The following PRAG1 variants were observed in gnomAD, a reference collection of about 807,000 sequenced individuals.
PRAG1 encodes inactive tyrosine-protein kinase PRAG1.
PRAG1 carries 110 observed loss-of-function variants against 95.6 expected under a neutral mutation model. The ratio of observed to expected loss-of-function variants is 1.15; its 90% confidence interval spans 0.99 to 1.35. The LOEUF is 1.35. PRAG1 is among the 40% of genes most tolerant of loss of function. The pLI is 0.00. For synonymous variants in PRAG1, 1,052 were observed against 819.4 expected (o/e 1.28, Z -4.85); for missense variants, 2,554 against 1,864.7 (o/e 1.37, Z -6.81).
intron 3 of PRAG1, among the ~76,000 whole-genome samples, chr8:8,341,949 AG>A (rs2116842387): frequency 6.6e-6 from 1 of 152,146 alleles, no homozygotes; most frequent in African/African-American, 2.4e-5. Flanking sequence ...CCTGGCCAAC[AG>A]GCCAACCCCA....
In PRAG1 at chr8:8,319,032, G is replaced by T; in HGVS notation, c.3343C>A (p.Pro1115Thr). ...RDSAASHQAE[P>T]EAYERRVCFL... ...CACACGCGCCGCTCGTACGCCTCGG[G>T]CTCCGCCTGGTGGCTGGCCGCCGAG... Residue 1115 changes from proline (P) to threonine (T), a missense_variant, in exon 6 of 6, where the codon CCC becomes ACC. Transcript: ENST00000615670. 1.2e-6 allele frequency: 2 copies of T among 1,613,268 alleles called. No homozygotes were observed. Among genetic ancestry groups the T allele is most frequent in the Non-Finnish European group, 1.7e-6 (2 of 1,179,830 alleles).
intron 3 of PRAG1, among the ~76,000 whole-genome samples, chr8:8,375,078 TA>T (rs35967149): frequency 0.37 from 52,879 of 142,644 alleles, 9,687 homozygotes; most frequent in East Asian, 0.65. Context: ...GCTCAATAAC[TA>T]AAAAAAAAAA....
At chr8:8,351,095 A>G (rs1285368879) in intron 3 of PRAG1, among the ~76,000 whole-genome samples, 1 of 152,170 alleles carries the variant, frequency 6.6e-6, no homozygotes, top group Non-Finnish European at 1.5e-5. Flanking sequence ...AAAGAGGTTT[A>G]ATTGCCTCAT....
chr8:8,383,371 G>C (rs797021022), intron 1 of PRAG1, among the ~76,000 whole-genome samples: 3 of 152,278 alleles, frequency 2.0e-5, no homozygotes, highest in South Asian at 2.1e-4. Flanking sequence ...AGGAGTTTGA[G>C]ACCAGCCTGG....
intron 3 of PRAG1, among the ~76,000 whole-genome samples, chr8:8,352,017 T>A (rs551772123): frequency 6.6e-6 from 1 of 152,206 alleles, no homozygotes; most frequent in East Asian, 1.9e-4. Context: ...TCTAGACTAA[T>A]GGTTTTGGTG....
At chr8:8,382,351 T>C (rs1037307578) in intron 1 of PRAG1, among the ~76,000 whole-genome samples, 3 of 152,166 alleles carry the variant, frequency 2.0e-5, no homozygotes, top group Non-Finnish European at 4.4e-5. Context: ...GAAAGGTGCA[T>C]TGTAATCCAC....
chr8:8,319,171 C>G lies in PRAG1; in HGVS notation c.3204G>C (p.Ala1068=), dbSNP rs750721737. Residue 1068 remains alanine (A), a synonymous_variant, in exon 6 of 6, where the codon GCG becomes GCC. Transcript: ENST00000615670. ...VPSSMLSSPD[A]PKDPVPALPT... The stretch of plus-strand genomic sequence containing the variant: ...GCAGGGCAGGCACAGGGTCCTTGGG[C>G]GCGTCGGGGGAGCTGAGCATGCTGG... The G allele has an allele frequency of 6.2e-7, 1 of 1,602,872 alleles. No homozygotes were observed. The highest frequency in any genetic ancestry group is 1.3e-5 in the African/African-American group (1 of 74,780).
At chr8:8,371,279 G>A (rs1227261761) in intron 3 of PRAG1, among the ~76,000 whole-genome samples, 1 of 149,550 alleles carries the variant, frequency 6.7e-6, no homozygotes, top group Non-Finnish European at 1.5e-5. Flanking sequence ...TTTTTTTTTT[G>A]AGGTGGAGTC....
intron 4 of PRAG1, among the ~76,000 whole-genome samples, chr8:8,338,471 T>C (rs566405625): frequency 5.5e-4 from 84 of 152,348 alleles, no homozygotes; most frequent in African/African-American, 1.7e-3. Flanking sequence ...CCTTGTTGAA[T>C]TTGTTATACA....
intron 4 of PRAG1, 22 bp from the exon 5 acceptor site, chr8:8,328,483 C>G (rs753548402): frequency 1.9e-6 from 3 of 1,611,584 alleles, no homozygotes; most frequent in Non-Finnish European, 2.5e-6. Context: ...AGACAGAAAC[C>G]ATAAGACCAA....
chr8:8,347,571 G>C (rs1799386439), intron 3 of PRAG1, among the ~76,000 whole-genome samples: 1 of 151,438 alleles, frequency 6.6e-6, no homozygotes, highest in Non-Finnish European at 1.5e-5. Context: ...GAGTTTTCTT[G>C]GTGGATAAGA....
intron 3 of PRAG1, among the ~76,000 whole-genome samples, chr8:8,367,255 T>C (rs891085925): frequency 1.3e-5 from 2 of 151,428 alleles, no homozygotes; most frequent in Admixed American, 6.6e-5. Flanking sequence ...GGTCAGGAGT[T>C]CAAGACCAGT....
chr8:8,343,925 T>C (rs975457272), intron 3 of PRAG1, among the ~76,000 whole-genome samples: 2 of 151,984 alleles, frequency 1.3e-5, no homozygotes, highest in Admixed American at 6.5e-5. Context: ...AAATGTAAAA[T>C]AAATGGGAAA....
At chr8:8,351,409 T>C (rs985333714) in intron 3 of PRAG1, among the ~76,000 whole-genome samples, 1 of 152,250 alleles carries the variant, frequency 6.6e-6, no homozygotes, top group Admixed American at 6.5e-5. Flanking sequence ...GGGACACAGA[T>C]CCAAACCATA....
chr8:8,320,159 C>G (rs1798429255), intron 5 of PRAG1, among the ~76,000 whole-genome samples: 1 of 152,182 alleles, frequency 6.6e-6, no homozygotes, highest in Admixed American at 6.5e-5. Flanking sequence ...GACAAATTCT[C>G]AAGAAGGCAA....
At chr8:8,345,470 A>G (rs995431793) in intron 3 of PRAG1, among the ~76,000 whole-genome samples, 48 of 152,288 alleles carry the variant, frequency 3.2e-4, no homozygotes, top group Non-Finnish European at 1.6e-4. Context: ...CTTCCAAAAC[A>G]CACGTAGGTG....
At chr8:8,384,147 T>C (rs1452773729) in intron 1 of PRAG1, among the ~76,000 whole-genome samples, 1 of 152,150 alleles carries the variant, frequency 6.6e-6, no homozygotes, top group Non-Finnish European at 1.5e-5. Flanking sequence ...GCCCAACCAC[T>C]TCCTCAGGGT....
intron 3 of PRAG1, among the ~76,000 whole-genome samples, chr8:8,357,256 T>C (rs1459755028): frequency 6.6e-6 from 1 of 152,132 alleles, no homozygotes; most frequent in African/African-American, 2.4e-5. Flanking sequence ...AACACATGGA[T>C]TGGGAGAATA....
chr8:8,321,668 G>A (rs553348381), intron 5 of PRAG1, among the ~76,000 whole-genome samples: 6 of 152,192 alleles, frequency 3.9e-5, no homozygotes, highest in Non-Finnish European at 8.8e-5. Flanking sequence ...GGAAACTGGG[G>A]CTTCCAGAAG....
Sources: gnomAD v4.1 joint callset for allele counts (sites outside exome capture counted in the v4.1 genomes callset) on GRCh38, gnomAD v4.1.1 for gene constraint, MANE v1.5 for transcripts, NCBI Gene and HGNC (gene_info 2026-07-23, HGNC 2026-07-21) for gene names.